Variants in MYH16 observed in about 807,000 individuals in gnomAD.
MYH16 encodes the protein myosin heavy chain 16, also known as putative uncharacterized protein MYH16.
At chr7:99,308,293 TAAAAAAAAAAAAA>T (rs10556699), downstream of MYH16, among the ~76,000 whole-genome samples, 1 of 40,158 alleles carries the variant, frequency 2.5e-5, no homozygotes, top group African/African-American at 8.9e-5. Flanking sequence ...AGGCTCTGTC[TAAAAAAAAAAAAA>T]AAAAAAAAAA....
intron 25 of MYH16, 57 bp downstream of exon 7, chr7:99,284,075 C>T: frequency 2.5e-6 from 1 of 400,350 alleles, no homozygotes; most frequent in Non-Finnish European, 5.0e-6. Context: ...GCTGGAGCTG[C>T]CTGGAGGGTG....
chr7:99,289,276 T>C lies in MYH16; in HGVS notation n.3707-11T>C. 2.5e-6 allele frequency: 1 copy of C among 403,532 alleles called. No homozygotes were observed. The highest frequency in any genetic ancestry group is 5.0e-6 in the Non-Finnish European group (1 of 198,626). The allele number at this position is 403,532 out of a possible 1,614,324, so 25.0% of individuals were successfully genotyped here. ...CGCAACTTCCCCACTGAGTTCATCC[T>C]TCCTGAGCAGATGAACGCCGAGGCC... On this transcript the variant is annotated splice_polypyrimidine_tract_variant and intron_variant and non_coding_transcript_variant, in intron 29 of 41. Coordinates refer to ENST00000439784, the Ensembl canonical transcript of MYH16.
chr7:99,274,444 A>G (rs1489389444), intron 20 of MYH16, among the ~76,000 whole-genome samples: 3 of 152,162 alleles, frequency 2.0e-5, no homozygotes, highest in African/African-American at 7.2e-5. Context: ...AAGTTTCTTT[A>G]CACTCCCCCA....
chr7:99,290,356 G>A (rs919181668), intron 30 of MYH16, among the ~76,000 whole-genome samples: 19 of 151,434 alleles, frequency 1.3e-4, no homozygotes, highest in African/African-American at 2.7e-4. Context: ...GTGTGGTGGC[G>A]CACACTGGTG....
At chr7:99,305,937 C>T (rs1792671684) in exon 41 of MYH16, 1 of 152,680 alleles carries the variant, frequency 6.5e-6, no homozygotes, top group Non-Finnish European at 1.5e-5. Context: ...AGCTGGTCTT[C>T]CAGACAGAGG....
At chr7:99,249,538 CAAAAAA>C (rs1222006408) in intron 4 of MYH16, among the ~76,000 whole-genome samples, 1 of 50,284 alleles carries the variant, frequency 2.0e-5, no homozygotes, top group Non-Finnish European at 3.9e-5. Flanking sequence ...GACCCTCTCT[CAAAAAA>C]AAAAAAAAAA....
At chr7:99,254,684 G>T (rs1170429179) in intron 8 of MYH16, among the ~76,000 whole-genome samples, 2 of 152,218 alleles carry the variant, frequency 1.3e-5, no homozygotes, top group Non-Finnish European at 2.9e-5. Flanking sequence ...AAAGTGGGAG[G>T]AGGGATGAAG....
At chr7:99,295,891 C>T (rs1792481925) in intron 33 of MYH16, among the ~76,000 whole-genome samples, 1 of 142,944 alleles carries the variant, frequency 7.0e-6, no homozygotes, top group African/African-American at 2.6e-5. Context: ...CCTATAATCT[C>T]AGCACTTTGG....
intron 20 of MYH16, among the ~76,000 whole-genome samples, chr7:99,276,514 G>A (rs892696885): frequency 5.3e-5 from 8 of 152,370 alleles, no homozygotes; most frequent in African/African-American, 1.9e-4. Context: ...AGGACCGGAC[G>A]GAGCCTGGCG....
chr7:99,301,517 TCACAGCGCCCTCACGCCTGGC>T (rs1380125451), intron 37 of MYH16, 63 bp from the exon 19 acceptor site: 1 of 152,680 alleles, frequency 6.5e-6, no homozygotes, highest in African/African-American at 2.4e-5. Context: ...TCGATAAAGG[TCACAGCGCCCTCACGCCTGGC>T]CACCCCCAAG....
downstream of MYH16, among the ~76,000 whole-genome samples, chr7:99,307,377 C>T (rs182249717): frequency 7.2e-4 from 109 of 152,230 alleles, 2 homozygotes; most frequent in Non-Finnish European, 7.2e-4. Context: ...AGTCTTTATT[C>T]CCCTTAATTC....
exon 16 of MYH16, chr7:99,265,189 G>A (rs1791974325): frequency 6.6e-6 from 1 of 152,546 alleles, no homozygotes; most frequent in Admixed American, 6.6e-5. Flanking sequence ...TAAGCAATCG[G>A]GTATGTTGTG....
chr7:99,242,245 G>A (rs1791675491), intron 1 of MYH16, among the ~76,000 whole-genome samples: 1 of 152,106 alleles, frequency 6.6e-6, no homozygotes. Context: ...CACACCTACT[G>A]ATGAATGCTC....
At chr7:99,256,806 C>T (rs921355069) in intron 9 of MYH16, among the ~76,000 whole-genome samples, 3 of 151,724 alleles carry the variant, frequency 2.0e-5, no homozygotes, top group Non-Finnish European at 2.9e-5. Context: ...ACAAAATTAG[C>T]CAGGTGTGGT....
At chr7:99,305,208 G>A (rs1792663443) in intron 40 of MYH16, among the ~76,000 whole-genome samples, 1 of 151,052 alleles carries the variant, frequency 6.6e-6, no homozygotes, top group East Asian at 2.0e-4. Flanking sequence ...GAGAAAAGAA[G>A]GAAAGAAAGA....
intron 4 of MYH16, among the ~76,000 whole-genome samples, chr7:99,249,572 GTTT>G (rs1195632373): frequency 5.1e-5 from 6 of 116,768 alleles, no homozygotes; most frequent in African/African-American, 2.3e-4. Flanking sequence ...GAAAAGTGCT[GTTT>G]TTTTTTTTTT....
At chr7:99,287,312 C>T (rs1792293193) in intron 28 of MYH16, among the ~76,000 whole-genome samples, 1 of 152,036 alleles carries the variant, frequency 6.6e-6, no homozygotes, top group East Asian at 1.9e-4. Flanking sequence ...GTGGGTGGAT[C>T]ACCTGAGGTT....
intron 8 of MYH16, chr7:99,253,919 C>T (rs1791840920): frequency 6.5e-6 from 1 of 152,848 alleles, no homozygotes; most frequent in East Asian, 1.9e-4. Context: ...TCTCATGTCA[C>T]TCCTAGGGTT....
chr7:99,273,570 T>C (rs1177449150), intron 20 of MYH16, 147 bp downstream of exon 2: 1 of 379,052 alleles, frequency 2.6e-6, no homozygotes, highest in African/African-American at 2.1e-5. Context: ...AAATCTAGCC[T>C]CTGTCCAGAC....
Sources: gnomAD v4.1 joint callset for allele counts (sites outside exome capture counted in the v4.1 genomes callset) on GRCh38, gnomAD v4.1.1 for gene constraint, MANE v1.5 for transcripts, NCBI Gene and HGNC (gene_info 2026-07-23, HGNC 2026-07-21) for gene names.